The following PRELID2 variants were observed in gnomAD, a reference collection of about 807,000 sequenced individuals.
The protein encoded by PRELID2 is PRELI domain-containing protein 2.
Under a neutral mutation model 28.4 loss-of-function variants are expected in PRELID2, and 25 were observed. The observed-to-expected ratio is 0.88, with a 90% confidence interval of 0.64 to 1.23. The LOEUF (loss-of-function observed/expected upper bound fraction) is 1.23, where lower values mean the gene tolerates loss of function less well. Among genes scored for constraint, PRELID2 ranks in the 50% most tolerant of loss-of-function variants. PRELID2 has a pLI of 0.00. For synonymous variants in PRELID2, 76 were observed against 71.6 expected, an observed-to-expected ratio of 1.06 and a Z score of -0.31; for missense variants, 201 against 214.4, an observed-to-expected ratio of 0.94 and a Z score of 0.39.
the PRELID2 span, among the ~76,000 whole-genome samples, chr5:145,291,284 C>T: frequency 2.1e-5 from 3 of 143,344 alleles, no homozygotes; most frequent in South Asian, 6.6e-4. Flanking sequence ...TCGCAGTGAG[C>T]CGAGATTGCA....
At chr5:145,421,194 C>CT in the PRELID2 span, among the ~76,000 whole-genome samples, 1 of 150,454 alleles carries the variant, frequency 6.6e-6, no homozygotes, top group African/African-American at 2.4e-5. Context: ...CTAAAATTCT[C>CT]TTTTTTTGTT....
chr5:145,626,837 G>A (rs754616823), intron 1 of PRELID2, among the ~76,000 whole-genome samples: 2 of 151,990 alleles, frequency 1.3e-5, no homozygotes, highest in Non-Finnish European at 2.9e-5. Flanking sequence ...GGTGGCTCAC[G>A]CCTGTAAATC....
intron 1 of PRELID2, among the ~76,000 whole-genome samples, chr5:145,607,093 C>A (rs1345722538): frequency 1.3e-5 from 2 of 151,988 alleles, no homozygotes; most frequent in African/African-American, 4.8e-5. Context: ...ATAATGTAAC[C>A]TGTGTCATTT....
the PRELID2 span, among the ~76,000 whole-genome samples, chr5:145,297,314 T>A: frequency 6.6e-6 from 1 of 152,152 alleles, no homozygotes; most frequent in African/African-American, 2.4e-5. Context: ...TCTAGGGTTT[T>A]TATGGTTTTA....
intron 5 of PRELID2, among the ~76,000 whole-genome samples, chr5:145,789,460 T>C (rs1426045552): frequency 6.6e-6 from 1 of 152,070 alleles, no homozygotes; most frequent in East Asian, 1.9e-4. Flanking sequence ...AATAATAAAA[T>C]TGGACCTGTA....
the PRELID2 span, among the ~76,000 whole-genome samples, chr5:145,355,612 A>T: frequency 2.0e-5 from 3 of 152,170 alleles, no homozygotes; most frequent in African/African-American, 7.2e-5. Context: ...TGTTCACAGG[A>T]CCTACCAAAC....
intron 1 of PRELID2, among the ~76,000 whole-genome samples, chr5:145,521,929 T>C (rs1752566221): frequency 6.6e-6 from 1 of 152,198 alleles, no homozygotes; most frequent in Non-Finnish European, 1.5e-5. Context: ...TAGAAAAAAT[T>C]TTAACATCAT....
At chr5:145,743,874 G>C (rs754707308) in intron 1 of PRELID2, among the ~76,000 whole-genome samples, 9 of 152,232 alleles carry the variant, frequency 5.9e-5, no homozygotes, top group African/African-American at 1.7e-4. Flanking sequence ...GAGCTCCTTG[G>C]GGGAGGAGCA....
At chr5:145,556,307 G>A (rs1197503867) in intron 1 of PRELID2, among the ~76,000 whole-genome samples, 8 of 151,832 alleles carry the variant, frequency 5.3e-5, no homozygotes, top group Admixed American at 2.0e-4. Flanking sequence ...AATTAAGCAC[G>A]TGCAATTCCA....
intron 1 of PRELID2, among the ~76,000 whole-genome samples, chr5:145,699,728 C>T (rs1011993365): frequency 2.6e-5 from 4 of 152,142 alleles, no homozygotes; most frequent in Non-Finnish European, 2.9e-5. Context: ...TTAAACTAAG[C>T]GTGGCCCCAG....
the PRELID2 span, among the ~76,000 whole-genome samples, chr5:145,240,474 ACTTTATAAGTATCCATGTGCATCCTCAT>A: frequency 6.6e-6 from 1 of 152,012 alleles, no homozygotes; most frequent in East Asian, 1.9e-4. Context: ...AAATAAACAT[ACTTTATAAGTATCCATGTGCATCCTCAT>A]CTTTAGTAGT....
chr5:145,709,680 A>G (rs1045133562), intron 1 of PRELID2, among the ~76,000 whole-genome samples: 1 of 152,176 alleles, frequency 6.6e-6, no homozygotes, highest in Non-Finnish European at 1.5e-5. Flanking sequence ...TAGAACATCA[A>G]GAGATAGGAG....
At chr5:145,765,721 T>C (rs1030324908) in intron 5 of PRELID2, among the ~76,000 whole-genome samples, 4 of 152,190 alleles carry the variant, frequency 2.6e-5, no homozygotes, top group Non-Finnish European at 4.4e-5. Flanking sequence ...ACAAGAGTTG[T>C]TCCTGAGTGC....
the PRELID2 span, among the ~76,000 whole-genome samples, chr5:145,252,771 A>C: frequency 5.9e-5 from 9 of 152,136 alleles, no homozygotes; most frequent in South Asian, 1.7e-3. Flanking sequence ...AAAAGTTCTC[A>C]AAATGTATAG....
Position 145,764,923 on chromosome 5 carries a change from G to C in PRELID2, c.*10+8C>G, listed in dbSNP as rs772223199. The C allele has an allele frequency of 6.2e-7, 1 of 1,601,464 alleles. No individual in the cohort carries two copies. Among genetic ancestry groups the C allele is most frequent in the South Asian group, 1.1e-5 (1 of 90,678 alleles). On this transcript the variant is annotated splice_region_variant and intron_variant, in intron 6 of 6. Transcript: ENST00000683046. Reference sequence around the variant, plus strand: ...GTAAATAATTCTGACTTTGCTTTTGGTACTCACTGATGATTCTTTATTCAG... The same window carrying C: ...GTAAATAATTCTGACTTTGCTTTTGCTACTCACTGATGATTCTTTATTCAG...
intron 4 of PRELID2, among the ~76,000 whole-genome samples, chr5:145,806,797 A>T (rs943727567): frequency 6.6e-6 from 1 of 152,096 alleles, no homozygotes; most frequent in Non-Finnish European, 1.5e-5. Flanking sequence ...TAAAAGTGGC[A>T]GTTTCCCCTG....
chr5:145,529,925 C>T (rs1752640840), intron 1 of PRELID2, among the ~76,000 whole-genome samples: 1 of 152,058 alleles, frequency 6.6e-6, no homozygotes, highest in African/African-American at 2.4e-5. Context: ...CTGAGATGAC[C>T]ATTTATTTCA....
At chr5:145,332,761 A>G in the PRELID2 span, among the ~76,000 whole-genome samples, 2 of 151,964 alleles carry the variant, frequency 1.3e-5, no homozygotes, top group Non-Finnish European at 2.9e-5. Context: ...TCTGAAGCCT[A>G]CTTCTGTCAA....
At chr5:145,740,446 G>A (rs1756638907) in intron 1 of PRELID2, among the ~76,000 whole-genome samples, 2 of 139,178 alleles carry the variant, frequency 1.4e-5, no homozygotes, top group Non-Finnish European at 1.5e-5. Context: ...CTCAACAATT[G>A]GTACAACACC....
Sources: gnomAD v4.1 joint callset for allele counts (sites outside exome capture counted in the v4.1 genomes callset) on GRCh38, gnomAD v4.1.1 for gene constraint, MANE v1.5 for transcripts, NCBI Gene and HGNC (gene_info 2026-07-23, HGNC 2026-07-21) for gene names.